The following ARHGEF10L variants were observed in gnomAD, a reference collection of about 807,000 sequenced individuals.
ARHGEF10L encodes the protein Rho guanine nucleotide exchange factor 10 like, also known as rho guanine nucleotide exchange factor 10-like protein.
ARHGEF10L carries 69 observed loss-of-function variants against 141.2 expected under a neutral mutation model. The observed-to-expected ratio is 0.49, with a 90% confidence interval of 0.40 to 0.60. The LOEUF is 0.60. Among genes scored for constraint, ARHGEF10L ranks in the 20% least tolerant of loss-of-function variants. The pLI, the probability that ARHGEF10L is intolerant of heterozygous loss-of-function variation, is 0.00. For synonymous variants in ARHGEF10L, 711 were observed against 718.5 expected, an observed-to-expected ratio of 0.99 and a Z score of 0.17; for missense variants, 1,482 against 1,734.3, an observed-to-expected ratio of 0.85 and a Z score of 2.58.
chr1:17,686,078 T>TTTCTTTC lies in ARHGEF10L; in HGVS notation c.3010-1493_3010-1492insCTTTCTT, dbSNP rs1558033249. On this transcript the variant is annotated intron_variant, in intron 26 of 28. Transcript: ENST00000361221. Reference sequence around the variant, plus strand: ...TGGTGTGTTTGTTTTGTTTTGTTTTTTTTCTTTCTTTCTTTCTTTCTTTCT... The same window carrying TTTCTTTC: ...TGGTGTGTTTGTTTTGTTTTGTTTTTTTCTTTCTTTCTTTCTTTCTTTCTTTCTTTCT... Among the ~76,000 whole-genome samples the TTTCTTTC allele has an allele frequency of 1.6e-4, 22 of 140,600 alleles. No homozygotes were observed. The East Asian group carries it at 4.2e-3, about 27-fold the overall frequency. 92.2% of individuals were successfully genotyped at this position (140,600 alleles called of 152,430 possible). A position where few individuals can be genotyped will look rare whatever the true frequency, so the allele number is the denominator to read the frequency against.
At chr1:17,689,154 G>A (rs907777086) in intron 27 of ARHGEF10L, among the ~76,000 whole-genome samples, 3 of 152,058 alleles carry the variant, frequency 2.0e-5, no homozygotes, top group South Asian at 2.1e-4. Flanking sequence ...ACATCAGGCC[G>A]GACTCAGTCC....
chr1:17,570,276 G>A (rs906832216), intron 1 of ARHGEF10L, among the ~76,000 whole-genome samples: 3 of 152,232 alleles, frequency 2.0e-5, no homozygotes, highest in Non-Finnish European at 4.4e-5. Context: ...GTTGCCAGAG[G>A]TGTTAAATCC....
At position 17,625,824 on chromosome 1, in the gene ARHGEF10L, T is replaced by C; in HGVS notation, c.1318-132T>C. ...AACCACGGACCTCTCTCAGCTCTTCTTGCAAGCCCAGGGATAGGCAGGGTC... is the reference window on the plus strand; with the variant it reads ...AACCACGGACCTCTCTCAGCTCTTCCTGCAAGCCCAGGGATAGGCAGGGTC... On this transcript the variant is annotated intron_variant, in intron 13 of 28. Coordinates refer to ENST00000361221, the MANE Select transcript of ARHGEF10L (RefSeq NM_018125.4). This position sits in a 1 kb window ranked among gnomAD's most constrained non-coding sequence, Gnocchi z 4.5. 1.3e-6 allele frequency: 1 copy of C among 755,092 alleles called. No homozygotes were observed. Among genetic ancestry groups the C allele is most frequent in the Non-Finnish European group, 2.2e-6 (1 of 455,360 alleles). The allele number at this position is 755,092 out of a possible 1,614,324, so 46.8% of individuals were successfully genotyped here.
At chr1:17,661,631 G>C (rs1055025438) in intron 25 of ARHGEF10L, among the ~76,000 whole-genome samples, 6 of 152,282 alleles carry the variant, frequency 3.9e-5, no homozygotes, top group Middle Eastern at 3.4e-3. Flanking sequence ...TCCAGTTTTG[G>C]GGGGGTGTTT....
chr1:17,634,940 T>C lies in ARHGEF10L; in HGVS notation c.1851T>C (p.Gly617=). 6.2e-7 allele frequency: 1 copy of C among 1,614,060 alleles called. No individual in the cohort carries two copies. Among genetic ancestry groups the C allele is most frequent in the Non-Finnish European group, 8.5e-7 (1 of 1,179,968 alleles). The change falls in exon 18 of 29, where the codon GGT becomes GGC. Residue 617 remains glycine, a synonymous_variant. Coordinates refer to ENST00000361221, the MANE Select transcript of ARHGEF10L (RefSeq NM_018125.4). The part of the protein sequence containing the change: ...QVQVVEVGQD[G]GTYDKDNVLI... ...AGGTGGTGGAGGTGGGCCAGGACGG[T>C]GGCACCTATGACAAGGACAATGTGC...
intron 21 of ARHGEF10L, among the ~76,000 whole-genome samples, chr1:17,643,530 A>G (rs1016349007): frequency 1.3e-5 from 2 of 152,172 alleles, no homozygotes; most frequent in African/African-American, 4.8e-5. Context: ...TCTTTGGCAC[A>G]CAGGAAGGTT....
intron 1 of ARHGEF10L, among the ~76,000 whole-genome samples, chr1:17,549,336 A>G (rs2077029693): frequency 1.3e-5 from 2 of 152,094 alleles, no homozygotes; most frequent in African/African-American, 4.8e-5. Flanking sequence ...TGAGTCTTAT[A>G]TGATGGTGGA....
the ARHGEF10L span, among the ~76,000 whole-genome samples, chr1:17,519,491 T>C: frequency 1.3e-5 from 2 of 151,932 alleles, no homozygotes; most frequent in East Asian, 3.9e-4. Flanking sequence ...GCACCTGTGG[T>C]CCCAGCTACT....
At chr1:17,674,062 A>G (rs1035161048) in intron 26 of ARHGEF10L, among the ~76,000 whole-genome samples, 2 of 152,156 alleles carry the variant, frequency 1.3e-5, no homozygotes, top group African/African-American at 4.8e-5. Flanking sequence ...CTCCCTCCAG[A>G]TGGCAAAATA....
intron 28 of ARHGEF10L, 27 bp from the exon 29 acceptor site, chr1:17,696,821 C>T: frequency 6.6e-7 from 1 of 1,514,638 alleles, no homozygotes; most frequent in East Asian, 2.3e-5. Flanking sequence ...CTTTGGGCCC[C>T]TTTCTCTCTC....
chr1:17,516,716 C>T, the ARHGEF10L span, among the ~76,000 whole-genome samples: 131 of 152,292 alleles, frequency 8.6e-4, 1 homozygote, highest in African/African-American at 2.7e-3. Context: ...TGGGAGGGGG[C>T]AGCATCATCC....
chr1:17,624,779 G>A (rs559176276), intron 13 of ARHGEF10L, among the ~76,000 whole-genome samples: 4 of 152,336 alleles, frequency 2.6e-5, no homozygotes, highest in Middle Eastern at 3.4e-3. Flanking sequence ...TTTGCCTCCT[G>A]TGCCCTGGTG....
chr1:17,525,495 T>TGA, the ARHGEF10L span, among the ~76,000 whole-genome samples: 2 of 152,064 alleles, frequency 1.3e-5, no homozygotes, highest in African/African-American at 4.8e-5. Flanking sequence ...GATGTTGGCT[T>TGA]GAGCCATGGG....
intron 27 of ARHGEF10L, chr1:17,694,805 A>G: frequency 9.5e-6 from 4 of 419,890 alleles, no homozygotes; most frequent in South Asian, 3.8e-5. Flanking sequence ...GGATCCCTGC[A>G]TGGATTGCCC....
chr1:17,580,514 T>C (rs559592638), intron 1 of ARHGEF10L, 39 bp from the exon 2 acceptor site: 282 of 1,578,718 alleles, frequency 1.8e-4, no homozygotes, highest in Non-Finnish European at 1.4e-4. Flanking sequence ...ACTGCAGCCC[T>C]GACTCCAGCT....
chr1:17,516,377 G>T, the ARHGEF10L span, among the ~76,000 whole-genome samples: 1 of 152,272 alleles, frequency 6.6e-6, no homozygotes, highest in Non-Finnish European at 1.5e-5. Context: ...GTGAAGAGGG[G>T]CAAGAGTAGA....
At chr1:17,519,597 C>A in the ARHGEF10L span, among the ~76,000 whole-genome samples, 9 of 151,792 alleles carry the variant, frequency 5.9e-5, no homozygotes, top group East Asian at 1.7e-3. Context: ...CAGAGAGAGC[C>A]CTTGCCTCAA....
Position 17,580,574 on chromosome 1 carries a change from G to A in ARHGEF10L, c.-22G>A, listed in dbSNP as rs764299472. The A allele has an allele frequency of 1.2e-6, 2 of 1,614,140 alleles. No homozygotes were observed. Among genetic ancestry groups the A allele is most frequent in the Admixed American group, 3.3e-5 (2 of 60,030 alleles). On this transcript the variant is annotated 5_prime_UTR_variant, in exon 2 of 29. Transcript: ENST00000361221. ...ACAGGTGTGTAGCTGGGACGGTGCTGGTCTGAGCTGGACCTTGTCTGATGG... is the reference window on the plus strand; with the variant it reads ...ACAGGTGTGTAGCTGGGACGGTGCTAGTCTGAGCTGGACCTTGTCTGATGG...
intron 25 of ARHGEF10L, among the ~76,000 whole-genome samples, chr1:17,658,110 G>T (rs1430773894): frequency 6.6e-6 from 1 of 152,224 alleles, no homozygotes; most frequent in African/African-American, 2.4e-5. Context: ...CAGAACTCCA[G>T]CCTCTGCATG....
Sources: gnomAD v4.1 joint callset for allele counts (sites outside exome capture counted in the v4.1 genomes callset) on GRCh38, gnomAD v4.1.1 for gene constraint, Gnocchi (gnomAD v3.1) non-coding constraint, MANE v1.5 for transcripts, NCBI Gene and HGNC (gene_info 2026-07-23, HGNC 2026-07-21) for gene names.